Variants in SIPA1L1 observed in about 807,000 individuals in gnomAD.
The protein encoded by SIPA1L1 is signal-induced proliferation-associated 1-like protein 1.
Under a neutral mutation model 162.7 loss-of-function variants are expected in SIPA1L1, and 26 were observed. The ratio of observed to expected loss-of-function variants is 0.16; its 90% CI spans 0.12 to 0.22. The LOEUF (loss-of-function observed/expected upper bound fraction) is 0.22. SIPA1L1 is among the 10% of genes least tolerant of loss of function. The pLI, the probability that SIPA1L1 is intolerant of heterozygous loss-of-function variation, is 1.00. For synonymous variants in SIPA1L1, 829 were observed against 837.4 expected, an observed-to-expected ratio of 0.99 and a Z score of 0.17; for missense variants, 1,874 against 2,241.0, an observed-to-expected ratio of 0.84 and a Z score of 3.31.
chr14:71,451,343 A>G (rs1316047371), intron 2 of SIPA1L1, among the ~76,000 whole-genome samples: 6 of 152,164 alleles, frequency 3.9e-5, no homozygotes, highest in African/African-American at 1.4e-4. Flanking sequence ...AAGTTAGTAG[A>G]TAAGAAATAT....
chr14:71,347,047 G>C (rs1481256772), intron 2 of SIPA1L1, among the ~76,000 whole-genome samples: 2 of 151,392 alleles, frequency 1.3e-5, no homozygotes, highest in East Asian at 3.9e-4. Context: ...TGCCTTCCAG[G>C]TTCAGGCGAT....
chr14:71,716,963 G>A (rs748122312), intron 17 of SIPA1L1, among the ~76,000 whole-genome samples: 3 of 152,194 alleles, frequency 2.0e-5, no homozygotes, highest in African/African-American at 7.2e-5. Context: ...GCAGTAGCAC[G>A]ATCTTGGCTC....
chr14:71,452,355 G>C (rs371026337), intron 2 of SIPA1L1, among the ~76,000 whole-genome samples: 1 of 152,182 alleles, frequency 6.6e-6, no homozygotes, highest in African/African-American at 2.4e-5. Context: ...ACACATTTTC[G>C]TATATAGGAA....
At chr14:71,443,476 A>G (rs1299916064) in intron 2 of SIPA1L1, among the ~76,000 whole-genome samples, 2 of 152,164 alleles carry the variant, frequency 1.3e-5, no homozygotes, top group Non-Finnish European at 2.9e-5. Flanking sequence ...TTGAATAAAT[A>G]TAAAATGAAA....
chr14:71,463,216 G>T (rs181692871), intron 2 of SIPA1L1, among the ~76,000 whole-genome samples: 1 of 152,292 alleles, frequency 6.6e-6, no homozygotes, highest in Admixed American at 6.5e-5. Flanking sequence ...AGCTCTAATG[G>T]CTTCCATTTG....
At chr14:71,651,465 T>C (rs1308415781) in intron 8 of SIPA1L1, among the ~76,000 whole-genome samples, 1 of 152,222 alleles carries the variant, frequency 6.6e-6, no homozygotes, top group African/African-American at 2.4e-5. Context: ...GGAAACGACA[T>C]GCAAGAGAGA....
intron 2 of SIPA1L1, among the ~76,000 whole-genome samples, chr14:71,332,940 C>T (rs866978999): frequency 6.6e-6 from 1 of 152,024 alleles, no homozygotes; most frequent in African/African-American, 2.4e-5. Flanking sequence ...TTTGAAAGAA[C>T]TGAAGAAAGA....
At chr14:71,517,597 C>G (rs2051869669) in intron 3 of SIPA1L1, among the ~76,000 whole-genome samples, 1 of 152,178 alleles carries the variant, frequency 6.6e-6, no homozygotes, top group Non-Finnish European at 1.5e-5. Context: ...TACCTAACAT[C>G]TTGACTGCCT....
chr14:71,351,055 A>G (rs1178052663), intron 2 of SIPA1L1, among the ~76,000 whole-genome samples: 3 of 152,230 alleles, frequency 2.0e-5, no homozygotes, highest in Non-Finnish European at 2.9e-5. Context: ...TTAGAAAGGT[A>G]AGGTAGTTGA....
rs751609809 is a variant in SIPA1L1, at chr14:71,699,004, A to G, written c.3398A>G (p.Tyr1133Cys). The G allele has an allele frequency of 3.1e-6, 5 of 1,614,164 alleles. No homozygotes were observed. The highest frequency in any genetic ancestry group is 3.4e-6 in the Non-Finnish European group (4 of 1,180,022). Reference protein sequence around the residue: ...ERRLSPGSDIYVTVSSMALAR... With the variant: ...ERRLSPGSDICVTVSSMALAR... ...AGGCTGTCTCCTGGTTCGGACATCT[A>G]TGTGACGGTCTCATCCATGGCTTTA... Residue 1133 changes from tyrosine to cysteine, a missense_variant, in exon 14 of 24, where the codon TAT becomes TGT. Transcript: ENST00000381232.
chr14:71,330,751 C>G, intron 2 of SIPA1L1: 1 of 814,974 alleles, frequency 1.2e-6, no homozygotes, highest in Admixed American at 1.7e-5. Context: ...AGGAATCTGG[C>G]TGTCTATCTC....
chr14:71,355,055 G>T (rs1372631474), intron 2 of SIPA1L1, among the ~76,000 whole-genome samples: 7 of 152,164 alleles, frequency 4.6e-5, no homozygotes, highest in Non-Finnish European at 7.3e-5. Flanking sequence ...ATCATTATCA[G>T]TGTCATTAAG....
chr14:71,364,995 C>T (rs2038153918), intron 2 of SIPA1L1, among the ~76,000 whole-genome samples: 1 of 152,018 alleles, frequency 6.6e-6, no homozygotes, highest in African/African-American at 2.4e-5. Context: ...GATGCACCTG[C>T]CTTAGCTTCC....
At chr14:71,374,170 T>A (rs1338554503) in intron 2 of SIPA1L1, among the ~76,000 whole-genome samples, 1 of 152,224 alleles carries the variant, frequency 6.6e-6, no homozygotes, top group Non-Finnish European at 1.5e-5. Flanking sequence ...GATGTCAGTA[T>A]TTTTGACAAA....
At chr14:71,528,243 C>A (rs1468430471) in intron 3 of SIPA1L1, among the ~76,000 whole-genome samples, 1 of 152,128 alleles carries the variant, frequency 6.6e-6, no homozygotes, top group African/African-American at 2.4e-5. Flanking sequence ...CTCAGATCTT[C>A]AAGTTAAGGA....
At position 71,510,783 on chromosome 14, in the gene SIPA1L1, A is replaced by G. The variant is rs1487755252; in HGVS notation, c.-464-1960A>G. ...TATGAACCAATCGATGAGACAGTCA[A>G]AGTAAAACATCTGGGACATAGTCCT... is the stretch of plus-strand genomic sequence containing the variant. On this transcript the variant is annotated intron_variant, in intron 2 of 23. Transcript: ENST00000381232. Among the ~76,000 whole-genome samples the G allele has an allele frequency of 8.5e-5, 13 of 152,324 alleles. No individual in the cohort carries two copies. The South Asian group carries it at 2.7e-3, about 32-fold the overall frequency.
chr14:71,442,932 T>A (rs1402461106), intron 2 of SIPA1L1, among the ~76,000 whole-genome samples: 1 of 152,128 alleles, frequency 6.6e-6, no homozygotes, highest in African/African-American at 2.4e-5. Flanking sequence ...CAAGACTGTG[T>A]CTCTTAAAAC....
intron 2 of SIPA1L1, among the ~76,000 whole-genome samples, chr14:71,502,400 G>A (rs2050334406): frequency 1.3e-5 from 2 of 150,936 alleles, no homozygotes; most frequent in East Asian, 3.9e-4. Context: ...TACCATGCCT[G>A]GCAATTTTGT....
intron 14 of SIPA1L1, among the ~76,000 whole-genome samples, chr14:71,702,158 A>G (rs370560227): frequency 1.3e-5 from 2 of 152,338 alleles, no homozygotes; most frequent in South Asian, 4.1e-4. Context: ...AAGTTTGTTT[A>G]CATAGCATGC....
Sources: gnomAD v4.1 joint callset for allele counts (sites outside exome capture counted in the v4.1 genomes callset) on GRCh38, gnomAD v4.1.1 for gene constraint, MANE v1.5 for transcripts, NCBI Gene and HGNC (gene_info 2026-07-23, HGNC 2026-07-21) for gene names.